The following CDKL4 variants were observed in gnomAD, a reference collection of about 807,000 sequenced individuals.
CDKL4 encodes the protein cyclin-dependent kinase-like 4.
Under a neutral mutation model 42.0 loss-of-function variants are expected in CDKL4, and 44 were observed. The observed-to-expected ratio is 1.05, with a 90% CI of 0.82 to 1.35. CDKL4 has a LOEUF of 1.35. Among genes scored for constraint, CDKL4 ranks in the 40% most tolerant of loss-of-function variants. The pLI is 0.00. For missense variants in CDKL4, 393 were observed against 369.9 expected (o/e 1.06, Z -0.51); for synonymous variants, 120 against 121.6 (o/e 0.99, Z 0.09).
intron 3 of CDKL4, among the ~76,000 whole-genome samples, chr2:39,215,912 G>A (rs1366614802): frequency 1.3e-5 from 2 of 152,248 alleles, no homozygotes; most frequent in East Asian, 3.9e-4. Context: ...TCGACTTGAA[G>A]TGTCTATTTC....
intron 5 of CDKL4, among the ~76,000 whole-genome samples, chr2:39,193,834 TTC>T (rs72057862): frequency 0.015 from 2,316 of 152,350 alleles, 68 homozygotes; most frequent in African/African-American, 0.053. Context: ...CAGCTATGTG[TTC>T]TTTTTCACTT....
chr2:39,184,628 A>T, exon 8 of CDKL4: 1 of 1,611,988 alleles, frequency 6.2e-7, no homozygotes, highest in Non-Finnish European at 8.5e-7. Context: ...AACATCTGAG[A>T]ACTTTTCCTC....
chr2:39,225,878 T>A, exon 3 of CDKL4: 1 of 1,611,714 alleles, frequency 6.2e-7, no homozygotes, highest in South Asian at 1.1e-5. Context: ...AAGTGTATGA[T>A]CACAGTATTC....
intron 5 of CDKL4, among the ~76,000 whole-genome samples, chr2:39,192,527 AT>A (rs1187190966): frequency 1.9e-5 from 2 of 103,056 alleles, no homozygotes; most frequent in African/African-American, 2.9e-5. Context: ...TGCCTGGTTA[AT>A]TTAAAAAAAA....
At chr2:39,183,678 C>G (rs558420958) in intron 8 of CDKL4, among the ~76,000 whole-genome samples, 5 of 152,164 alleles carry the variant, frequency 3.3e-5, no homozygotes, top group African/African-American at 1.2e-4. Flanking sequence ...CTGTCAAGAA[C>G]AAGGTCAGGG....
intron 1 of CDKL4, among the ~76,000 whole-genome samples, chr2:39,238,094 T>C (rs1679463350): frequency 6.6e-6 from 1 of 152,230 alleles, no homozygotes; most frequent in South Asian, 2.1e-4. Context: ...GTTCATGGAT[T>C]TGAAAACCCA....
At chr2:39,201,557 T>C (rs536384580) in intron 5 of CDKL4, among the ~76,000 whole-genome samples, 2 of 152,118 alleles carry the variant, frequency 1.3e-5, no homozygotes, top group South Asian at 2.1e-4. Flanking sequence ...TGAAAAAATA[T>C]GGAACCAGCC....
At chr2:39,242,475 T>C (rs1679709893) in intron 1 of CDKL4, among the ~76,000 whole-genome samples, 1 of 152,334 alleles carries the variant, frequency 6.6e-6, no homozygotes, top group Non-Finnish European at 1.5e-5. Flanking sequence ...CAAAGGCAGA[T>C]AGGTATAGAA....
downstream of CDKL4, among the ~76,000 whole-genome samples, chr2:39,174,421 G>A (rs559320229): frequency 8.7e-5 from 13 of 149,788 alleles, no homozygotes; most frequent in Non-Finnish European, 1.6e-4. Flanking sequence ...AACCCTTCCC[G>A]TGAACAAAAA....
the CDKL4 span, among the ~76,000 whole-genome samples, chr2:39,169,406 G>C: frequency 6.6e-6 from 1 of 152,146 alleles, no homozygotes; most frequent in Non-Finnish European, 1.5e-5. Flanking sequence ...GTTTGCGTGA[G>C]TGTGAAAGCA....
chr2:39,183,900 G>C (rs1223385196), intron 8 of CDKL4, among the ~76,000 whole-genome samples: 2 of 152,084 alleles, frequency 1.3e-5, no homozygotes, highest in African/African-American at 4.8e-5. Flanking sequence ...TCGCACAAAG[G>C]CTGGTCTACA....
intron 5 of CDKL4, among the ~76,000 whole-genome samples, chr2:39,200,044 A>G (rs1037697755): frequency 2.6e-5 from 4 of 152,182 alleles, no homozygotes; most frequent in South Asian, 2.1e-4. Flanking sequence ...GAGGAAGTCA[A>G]ACTTTTGCTG....
At chr2:39,236,194 A>G (rs1047859465) in intron 1 of CDKL4, among the ~76,000 whole-genome samples, 1 of 151,470 alleles carries the variant, frequency 6.6e-6, no homozygotes, top group African/African-American at 2.4e-5. Context: ...AATCCTGTAG[A>G]TGGGACAAAC....
At chr2:39,177,084 TA>T (rs1378815716) in intron 9 of CDKL4, among the ~76,000 whole-genome samples, 2 of 152,178 alleles carry the variant, frequency 1.3e-5, no homozygotes, top group Non-Finnish European at 2.9e-5. Context: ...CTGATCTCTG[TA>T]AATGAGATTC....
At chr2:39,173,742 G>A (rs534355066), downstream of CDKL4, among the ~76,000 whole-genome samples, 60 of 151,542 alleles carry the variant, frequency 4.0e-4, no homozygotes, top group Non-Finnish European at 6.5e-4. Context: ...CCCGGGAGGC[G>A]GAGCAGCTTG....
chr2:39,226,345 T>A (rs1306945588), intron 2 of CDKL4, among the ~76,000 whole-genome samples: 2 of 149,700 alleles, frequency 1.3e-5, no homozygotes, highest in Admixed American at 1.3e-4. Flanking sequence ...GTAATACTTG[T>A]TCCTAACCAT....
At chr2:39,240,505 A>C (rs918414664) in intron 1 of CDKL4, among the ~76,000 whole-genome samples, 3 of 152,022 alleles carry the variant, frequency 2.0e-5, no homozygotes, top group African/African-American at 7.2e-5. Flanking sequence ...AGATCTAACA[A>C]TGACATGTAA....
intron 1 of CDKL4, among the ~76,000 whole-genome samples, chr2:39,238,600 T>C (rs944958263): frequency 6.6e-6 from 1 of 152,202 alleles, no homozygotes; most frequent in Admixed American, 6.5e-5. Context: ...ATATTAAAAA[T>C]TTATCTTAAA....
chr2:39,225,867 A>G, exon 3 of CDKL4: 1 of 1,606,366 alleles, frequency 6.2e-7, no homozygotes, highest in Non-Finnish European at 8.5e-7. Context: ...AGCTCATTTA[A>G]AAGTGTATGA....
Sources: gnomAD v4.1 joint callset for allele counts (sites outside exome capture counted in the v4.1 genomes callset) on GRCh38, gnomAD v4.1.1 for gene constraint, MANE v1.5 for transcripts, NCBI Gene and HGNC (gene_info 2026-07-23, HGNC 2026-07-21) for gene names.